TBCE: variants seen among roughly 807,000 people sequenced by gnomAD.
The protein encoded by TBCE is tubulin folding cofactor E, also known as tubulin-specific chaperone E.
Under a neutral mutation model 77.0 loss-of-function variants are expected in TBCE, and 53 were observed. That is an observed-to-expected ratio of 0.69 (90% CI 0.55 to 0.87). The LOEUF is 0.87. Ranked by LOEUF, TBCE falls within the 40% of genes least tolerant of loss-of-function variation. The pLI, the probability that TBCE is intolerant of heterozygous loss-of-function variation, is 0.00. For missense variants in TBCE, 624 were observed against 622.4 expected, an observed-to-expected ratio of 1.00 and a Z score of -0.03; for synonymous variants, 235 against 241.3, an observed-to-expected ratio of 0.97 and a Z score of 0.24.
intron 14 of TBCE, 85 bp downstream of exon 14, chr1:235,441,967 C>G: frequency 8.3e-7 from 1 of 1,208,798 alleles, no homozygotes; most frequent in Non-Finnish European, 1.2e-6. Flanking sequence ...AAGTGTGTAC[C>G]TCTTAAGTAC....
At chr1:235,380,439 T>C (rs1677565515) in intron 2 of TBCE, among the ~76,000 whole-genome samples, 2 of 152,180 alleles carry the variant, frequency 1.3e-5, no homozygotes, top group South Asian at 4.1e-4. Context: ...TATAAACAGC[T>C]AAAAGTCTTG....
At chr1:235,376,851 G>A (rs999628088) in intron 1 of TBCE, among the ~76,000 whole-genome samples, 2 of 152,058 alleles carry the variant, frequency 1.3e-5, no homozygotes, top group Admixed American at 6.6e-5. Flanking sequence ...GCGGCCGCCT[G>A]TAATCCCAGT....
At chr1:235,426,851 G>C (rs866326933) in intron 5 of TBCE, among the ~76,000 whole-genome samples, 1 of 152,136 alleles carries the variant, frequency 6.6e-6, no homozygotes, top group Non-Finnish European at 1.5e-5. Context: ...TGCCATGTGG[G>C]CCAGGCTGGT....
At chr1:235,443,716 TAGG>T (rs750709877) in intron 15 of TBCE, among the ~76,000 whole-genome samples, 1 of 152,168 alleles carries the variant, frequency 6.6e-6, no homozygotes, top group East Asian at 1.9e-4. Context: ...CCTGACTGAT[TAGG>T]AGTCCCTGCA....
chr1:235,433,585 C>G (rs1419686192), intron 7 of TBCE: 1 of 154,242 alleles, frequency 6.5e-6, no homozygotes. Context: ...CAACTCCTGA[C>G]CTCAAGTGAT....
intron 2 of TBCE, among the ~76,000 whole-genome samples, chr1:235,398,980 G>A (rs995584465): frequency 1.3e-5 from 2 of 149,582 alleles, no homozygotes; most frequent in African/African-American, 4.9e-5. Context: ...TTGAGACAGA[G>A]TCTCCCTCTG....
intron 2 of TBCE, among the ~76,000 whole-genome samples, chr1:235,392,400 ATTTTTTTTTTTTTTTTT>A (rs557817776): frequency 1.5e-4 from 8 of 54,032 alleles, no homozygotes; most frequent in African/African-American, 3.7e-4. Flanking sequence ...GCTGAACAGA[ATTTTTTTTTTTTTTTTT>A]TTTTTTTTTT....
chr1:235,392,409 T>TC (rs71174422), intron 2 of TBCE, among the ~76,000 whole-genome samples: 94,538 of 133,704 alleles, frequency 0.71, 34,357 homozygotes, highest in African/African-American at 0.9. Flanking sequence ...AATTTTTTTT[T>TC]TTTTTTTTTT....
At chr1:235,402,644 A>G (rs889498236) in intron 3 of TBCE, among the ~76,000 whole-genome samples, 1 of 151,714 alleles carries the variant, frequency 6.6e-6, no homozygotes, top group Non-Finnish European at 1.5e-5. Context: ...TTATTTGTTT[A>G]TTTTTTGAGA....
intron 3 of TBCE, among the ~76,000 whole-genome samples, chr1:235,408,311 G>A (rs1298654550): frequency 6.6e-6 from 1 of 152,244 alleles, no homozygotes; most frequent in Non-Finnish European, 1.5e-5. Context: ...AAAAAAGAAA[G>A]CCCTTGATTT....
chr1:235,392,224 A>T (rs1192422428), intron 2 of TBCE, among the ~76,000 whole-genome samples: 1 of 151,680 alleles, frequency 6.6e-6, no homozygotes, highest in African/African-American at 2.4e-5. Flanking sequence ...GCATGGTGGC[A>T]TGTGCCTGTA....
intron 2 of TBCE, among the ~76,000 whole-genome samples, chr1:235,381,108 A>G (rs758368049): frequency 3.9e-5 from 6 of 152,046 alleles, no homozygotes; most frequent in Non-Finnish European, 8.8e-5. Context: ...GAACTGGGCA[A>G]CTGCTGGAAC....
intron 3 of TBCE, among the ~76,000 whole-genome samples, chr1:235,411,257 C>T (rs1679765871): frequency 6.6e-6 from 1 of 152,228 alleles, no homozygotes; most frequent in South Asian, 2.1e-4. Context: ...AGGTCAGGAA[C>T]TGTGTAGACA....
chr1:235,444,907 C>T (rs193061779), intron 15 of TBCE, among the ~76,000 whole-genome samples: 30 of 152,336 alleles, frequency 2.0e-4, no homozygotes, highest in Non-Finnish European at 2.9e-4. Context: ...CAAGGCCTGC[C>T]GTCTGGGCAT....
At chr1:235,428,121 G>A (rs1391357010) in intron 6 of TBCE, among the ~76,000 whole-genome samples, 3 of 151,614 alleles carry the variant, frequency 2.0e-5, no homozygotes, top group South Asian at 2.1e-4. Flanking sequence ...TCAGGAGATC[G>A]AGACCATCAT....
At chr1:235,442,328 A>C (rs781239962) in intron 14 of TBCE, among the ~76,000 whole-genome samples, 2 of 152,004 alleles carry the variant, frequency 1.3e-5, no homozygotes, top group Non-Finnish European at 2.9e-5. Flanking sequence ...GCGCCACCAC[A>C]CCCAGTTAAT....
chr1:235,434,118 C>T (rs1681272596), intron 7 of TBCE, 86 bp from the exon 8 acceptor site: 3 of 1,202,322 alleles, frequency 2.5e-6, no homozygotes, highest in South Asian at 2.4e-5. Flanking sequence ...AGTAACTGAG[C>T]TGAATTCTTG....
At chr1:235,448,148 C>T (rs141397768) in intron 15 of TBCE, among the ~76,000 whole-genome samples, 19 of 146,434 alleles carry the variant, frequency 1.3e-4, no homozygotes, top group East Asian at 1.0e-3. Flanking sequence ...TGCAGTGAGC[C>T]GAGATTACAC....
intron 1 of TBCE, among the ~76,000 whole-genome samples, chr1:235,368,049 G>A (rs539554058): frequency 6.6e-6 from 1 of 152,242 alleles, no homozygotes; most frequent in Admixed American, 6.5e-5. Context: ...GGGATTACAG[G>A]CGCGTGCCAC....
Sources: gnomAD v4.1 joint callset for allele counts (sites outside exome capture counted in the v4.1 genomes callset) on GRCh38, gnomAD v4.1.1 for gene constraint, MANE v1.5 for transcripts, NCBI Gene and HGNC (gene_info 2026-07-23, HGNC 2026-07-21) for gene names.